Variants in PAAF1 observed in about 807,000 individuals in gnomAD.
PAAF1 encodes the protein proteasomal ATPase-associated factor 1.
PAAF1 carries 46 observed loss-of-function variants against 52.8 expected under a neutral mutation model. The ratio of observed to expected loss-of-function variants is 0.87; its 90% CI spans 0.69 to 1.11. PAAF1 has a LOEUF of 1.11. Among genes scored for constraint, PAAF1 ranks in the 50% most tolerant of loss-of-function variants. PAAF1 has a pLI of 0.00. For missense variants in PAAF1, 424 were observed against 477.4 expected (o/e 0.89, Z 1.04); for synonymous variants, 178 against 172.8 (o/e 1.03, Z -0.24).
At chr11:73,891,593 G>A (rs752694361) in intron 4 of PAAF1, among the ~76,000 whole-genome samples, 19 of 151,862 alleles carry the variant, frequency 1.3e-4, no homozygotes, top group Non-Finnish European at 2.1e-4. Context: ...CTGGGCAACA[G>A]AGTGAAACCC....
intron 4 of PAAF1, among the ~76,000 whole-genome samples, chr11:73,894,881 G>A (rs116558306): frequency 0.011 from 1,721 of 152,240 alleles, 32 homozygotes; most frequent in African/African-American, 0.04. Flanking sequence ...CTGCTCGAGA[G>A]GCTGGGATGG....
intron 6 of PAAF1, among the ~76,000 whole-genome samples, chr11:73,900,981 C>CAAAAA (rs5792636): frequency 5.4e-4 from 32 of 59,538 alleles, no homozygotes; most frequent in South Asian, 2.4e-3. Context: ...GACTCCGTCT[C>CAAAAA]AAAAAAAAAA....
At chr11:73,906,724 G>A (rs1464532270) in intron 6 of PAAF1, among the ~76,000 whole-genome samples, 2 of 152,150 alleles carry the variant, frequency 1.3e-5, no homozygotes. Flanking sequence ...GAAATTTCCA[G>A]TAAGACTTGA....
chr11:73,876,882 A>G, upstream of PAAF1: 1 of 827,986 alleles, frequency 1.2e-6, no homozygotes, highest in Admixed American at 3.8e-5. Context: ...TGCACACGGA[A>G]GGGGCGGGGA....
At chr11:73,897,705 G>A (rs1009533248) in intron 4 of PAAF1, among the ~76,000 whole-genome samples, 4 of 151,658 alleles carry the variant, frequency 2.6e-5, no homozygotes, top group Non-Finnish European at 5.9e-5. Context: ...AGACTGGGCA[G>A]CCAGGCAGAG....
chr11:73,876,930 T>G (rs1948756862), upstream of PAAF1: 1 of 1,248,702 alleles, frequency 8.0e-7, no homozygotes, highest in Non-Finnish European at 1.1e-6. Flanking sequence ...GGCCTCTTGG[T>G]GTTGAGCCCA....
chr11:73,878,778 G>A lies in PAAF1; in HGVS notation c.48-1G>A, dbSNP rs776467420. The A allele has an allele frequency of 1.2e-6, 2 of 1,613,312 alleles. No homozygotes were observed. The highest frequency in any genetic ancestry group is 2.7e-5 in the African/African-American group (2 of 75,006). ...AATTAGGCTTTTGTCTTTCTTCGTAGGAAGGATGAAGGGGAGGCCTGGCTG... is the reference window on the plus strand; with the variant it reads ...AATTAGGCTTTTGTCTTTCTTCGTAAGAAGGATGAAGGGGAGGCCTGGCTG... On this transcript the variant is annotated splice_acceptor_variant, in intron 1 of 11. Transcript: ENST00000310571. LOFTEE classifies it high-confidence loss of function.
chr11:73,905,184 G>A (rs1250627359), intron 6 of PAAF1, among the ~76,000 whole-genome samples: 1 of 151,800 alleles, frequency 6.6e-6, no homozygotes, highest in Non-Finnish European at 1.5e-5. Flanking sequence ...GTAAGTCTTA[G>A]CTATGGCTGC....
At chr11:73,898,156 G>C (rs1357128745) in intron 4 of PAAF1, among the ~76,000 whole-genome samples, 1 of 148,868 alleles carries the variant, frequency 6.7e-6, no homozygotes, top group Non-Finnish European at 1.5e-5. Flanking sequence ...GGGCATCAGA[G>C]GGAGACCGTG....
At chr11:73,918,127 A>G (rs1950115002) in intron 9 of PAAF1, among the ~76,000 whole-genome samples, 1 of 152,200 alleles carries the variant, frequency 6.6e-6, no homozygotes, top group Admixed American at 6.5e-5. Context: ...GTAGAATCCC[A>G]TGTATAGAAT....
intron 10 of PAAF1, among the ~76,000 whole-genome samples, chr11:73,920,221 T>G (rs562260307): frequency 6.6e-6 from 1 of 152,204 alleles, no homozygotes; most frequent in South Asian, 2.1e-4. Context: ...ATAATATTTT[T>G]TATATATTTT....
intron 6 of PAAF1, among the ~76,000 whole-genome samples, chr11:73,904,490 G>A (rs1195484512): frequency 6.6e-6 from 1 of 151,978 alleles, no homozygotes; most frequent in African/African-American, 2.4e-5. Flanking sequence ...TCTCATAATG[G>A]TAGTGGAAAT....
chr11:73,905,931 G>A (rs1949741539), intron 6 of PAAF1, among the ~76,000 whole-genome samples: 1 of 152,130 alleles, frequency 6.6e-6, no homozygotes, highest in South Asian at 2.1e-4. Context: ...ATCTTTGATT[G>A]CTTAATAAGA....
chr11:73,877,459 C>A (rs1298559429), intron 1 of PAAF1, among the ~76,000 whole-genome samples: 2 of 152,130 alleles, frequency 1.3e-5, no homozygotes, highest in Admixed American at 6.5e-5. Context: ...TTCTCCTAGG[C>A]CCCTAATGCT....
chr11:73,909,508 T>C lies in PAAF1; in HGVS notation c.642T>C (p.Leu214=), dbSNP rs138468906. ...GGCGCTCAGCCTGCTTGGGAGTCCT[T>C]GCAGATTGTGGTTCTTCTATCAATG... ...DCGRSACLGV[L]ADCGSSINGV... Residue 214 remains leucine (L), a synonymous_variant, in exon 7 of 12, where the codon CTT becomes CTC. Transcript: ENST00000310571. 2,031 of 1,614,188 alleles carry C rather than the reference T, an allele frequency of 1.3e-3. 39 individuals carry two copies. In the East Asian group the frequency reaches 0.041, roughly 33 times the overall value.
rs1565143837 is a variant in PAAF1, at chr11:73,908,361, GTATATATATATGTATA to G, written c.533-1032_533-1017del. Among the ~76,000 whole-genome samples the G allele has an allele frequency of 5.1e-5, 7 of 136,802 alleles. No individual in the cohort carries two copies. In the East Asian group the frequency reaches 8.0e-4, roughly 16 times the overall value. 89.7% of individuals were successfully genotyped at this position (136,802 alleles called of 152,430 possible). A position where few individuals can be genotyped will look rare whatever the true frequency, so the allele number is the denominator to read the frequency against. On this transcript the variant is annotated intron_variant, in intron 6 of 11. Transcript: ENST00000310571. Reference sequence around the variant, plus strand: ...TGTGTATATATGTGTATATATGTGTGTATATATATATGTATATATATGTGTGTATATATATATGTGT... The same window carrying G: ...TGTGTATATATGTGTATATATGTGTGTATATGTGTGTATATATATATGTGT...
chr11:73,915,344 G>A (rs1411296189), intron 8 of PAAF1, among the ~76,000 whole-genome samples: 1 of 152,212 alleles, frequency 6.6e-6, no homozygotes, highest in Non-Finnish European at 1.5e-5. Flanking sequence ...AGTGGCTCAT[G>A]CCTGTAATCC....
chr11:73,895,168 T>G (rs1591065018), intron 4 of PAAF1, among the ~76,000 whole-genome samples: 1 of 152,252 alleles, frequency 6.6e-6, no homozygotes, highest in East Asian at 1.9e-4. Flanking sequence ...TAGACGTGAT[T>G]TGCTGATGAC....
At chr11:73,892,184 C>T (rs1463983820) in intron 4 of PAAF1, among the ~76,000 whole-genome samples, 1 of 151,886 alleles carries the variant, frequency 6.6e-6, no homozygotes, top group Non-Finnish European at 1.5e-5. Context: ...ATTAGCCAGA[C>T]ATGGTGCCAC....
Sources: allele counts gnomAD v4.1 joint callset (sites outside exome capture counted in the v4.1 genomes callset), GRCh38; gene constraint gnomAD v4.1.1; transcripts MANE v1.5; gene names NCBI Gene and HGNC (gene_info 2026-07-23, HGNC 2026-07-21).